The following POLR1A variants were observed in gnomAD, a reference collection of about 807,000 sequenced individuals.
POLR1A encodes the protein RNA polymerase I subunit A, also known as DNA-directed RNA polymerase I subunit RPA1.
POLR1A carries 84 observed loss-of-function variants against 205.3 expected under a neutral mutation model. The ratio of observed to expected loss-of-function variants is 0.41; its 90% CI spans 0.34 to 0.49. The LOEUF is 0.49. Among genes scored for constraint, POLR1A ranks in the 20% least tolerant of loss-of-function variants. The pLI, the probability that POLR1A is intolerant of heterozygous loss-of-function variation, is 0.22. For missense variants in POLR1A, 1,645 were observed against 2,204.5 expected (o/e 0.75, Z 5.08); for synonymous variants, 799 against 863.7 (o/e 0.93, Z 1.31).
Position 86,023,559 on chromosome 2 carries a change from T to G in POLR1A, c.*3864A>C, listed in dbSNP as rs916771089. On this transcript the variant is annotated 3_prime_UTR_variant, in exon 34 of 34. Coordinates refer to ENST00000263857, the MANE Select transcript of POLR1A (RefSeq NM_015425.6). ...CCACGAGATGGCACCTCATACACAT[T>G]AGGGTGGCTACTATTAACAAGAACA... 2 of 152,072 alleles carry G rather than the reference T, an allele frequency of 1.3e-5. No individual in the cohort carries two copies. The highest frequency in any genetic ancestry group is 2.9e-5 in the Non-Finnish European group (2 of 68,008). 9.4% of individuals were successfully genotyped at this position (152,072 alleles called of 1,614,324 possible).
At position 86,021,410 on chromosome 2, in the gene POLR1A, G is replaced by C. The variant is rs1025760560; in HGVS notation, c.*6013C>G. The C allele has an allele frequency of 6.6e-6, 1 of 152,530 alleles. No homozygotes were observed. The highest frequency in any genetic ancestry group is 2.4e-5 in the African/African-American group (1 of 41,464). 9.4% of individuals were successfully genotyped at this position (152,530 alleles called of 1,614,324 possible). A position where few individuals can be genotyped will look rare whatever the true frequency, so the allele number is the denominator to read the frequency against. ...AAGGGCCAGCAGCCAGGGTGGAAGT[G>C]GGGGCAGGAGGTGGGGAGGGGATGG... On this transcript the variant is annotated 3_prime_UTR_variant, in exon 34 of 34. Coordinates refer to ENST00000263857, the MANE Select transcript of POLR1A (RefSeq NM_015425.6).
intron 16 of POLR1A, among the ~76,000 whole-genome samples, chr2:86,051,961 G>A (rs560209174): frequency 1.3e-5 from 2 of 152,306 alleles, no homozygotes; most frequent in East Asian, 1.9e-4. Context: ...GTGGGAAGGC[G>A]TGGGCAGTTC....
intron 15 of POLR1A, among the ~76,000 whole-genome samples, chr2:86,053,771 G>A (rs901758153): frequency 3.3e-5 from 5 of 152,122 alleles, no homozygotes; most frequent in Non-Finnish European, 5.9e-5. Flanking sequence ...CTGTCCTTTT[G>A]TGGCCTGGTT....
At position 86,100,077 on chromosome 2, in the gene POLR1A, G is replaced by C; in HGVS notation, c.173C>G (p.Ala58Gly). 5 of 1,614,164 alleles carry C rather than the reference G, an allele frequency of 3.1e-6. No homozygotes were observed. The highest frequency in any genetic ancestry group is 4.2e-6 in the Non-Finnish European group (5 of 1,179,996). Residue 58 changes from alanine to glycine, a missense_variant, in exon 2 of 34, where the codon GCA becomes GGA. Around this residue, in one of 16 missense-constraint regions of POLR1A, gnomAD observed 330 missense variants for 375.6 expected, o/e 0.88. Coordinates refer to ENST00000263857, the MANE Select transcript of POLR1A (RefSeq NM_015425.6). ...NGLYDLALGP[A>G]DSKEVCSTCV... is the part of the protein sequence containing the mutation. ...GGTGGAGCACACCTCTTTGGAATCTGCAGGGCCCAAAGCTAAATCGTACAG... is the reference window on the plus strand; with the variant it reads ...GGTGGAGCACACCTCTTTGGAATCTCCAGGGCCCAAAGCTAAATCGTACAG...
rs1672320160 is a variant in POLR1A at position 86,028,725 on chromosome 2, G to A, written c.4780-14C>T. On this transcript the variant is annotated splice_polypyrimidine_tract_variant and intron_variant, in intron 31 of 33. Coordinates refer to ENST00000263857, the MANE Select transcript of POLR1A (RefSeq NM_015425.6). The surrounding 1 kb of genome is among the most constrained non-coding windows in gnomAD (Gnocchi z 4.5). ...CAGATCCAGGACCTGGAGAGAGGAAGGAAGGGATTTATTTAGAGGGCCTGG... is the reference window on the plus strand; with the variant it reads ...CAGATCCAGGACCTGGAGAGAGGAAAGAAGGGATTTATTTAGAGGGCCTGG... 1 of 1,598,690 alleles carries A rather than the reference G, an allele frequency of 6.3e-7. No homozygotes were observed. Among genetic ancestry groups the A allele is most frequent in the African/African-American group, 1.3e-5 (1 of 74,610 alleles).
intron 26 of POLR1A, among the ~76,000 whole-genome samples, chr2:86,039,074 C>T (rs183467297): frequency 1.3e-5 from 2 of 152,236 alleles, no homozygotes; most frequent in Non-Finnish European, 2.9e-5. Context: ...CTAGGAGTGG[C>T]CTCAGCAGAG....
chr2:86,028,290 C>T lies in POLR1A; in HGVS notation c.4898-241G>A, dbSNP rs1171268207. Reference sequence around the variant, plus strand: ...GCAGCACAGGAAATGAGGATCTAACCGCACTGTTTTCACTTGGGAACTGAA... The same window carrying T: ...GCAGCACAGGAAATGAGGATCTAACTGCACTGTTTTCACTTGGGAACTGAA... On this transcript the variant is annotated intron_variant, in intron 32 of 33. Transcript: ENST00000263857. This position sits in a 1 kb window ranked among gnomAD's most constrained non-coding sequence, Gnocchi z 4.5. Among the ~76,000 whole-genome samples the T allele has an allele frequency of 2.0e-5, 3 of 152,196 alleles. No homozygotes were observed. Among genetic ancestry groups the T allele is most frequent in the African/African-American group, 4.8e-5 (2 of 41,444 alleles).
intron 7 of POLR1A, among the ~76,000 whole-genome samples, chr2:86,082,879 C>T (rs1308483374): frequency 6.6e-6 from 1 of 152,184 alleles, no homozygotes; most frequent in Non-Finnish European, 1.5e-5. Context: ...CGATAATTGT[C>T]AAGTTTTTGG....
At chr2:86,061,465 A>T (rs535769032) in intron 14 of POLR1A, among the ~76,000 whole-genome samples, 1 of 152,340 alleles carries the variant, frequency 6.6e-6, no homozygotes, top group Non-Finnish European at 1.5e-5. Flanking sequence ...AAACTTTAGG[A>T]AACTATCTAT....
Position 86,044,215 on chromosome 2 carries a change from C to T in POLR1A, c.3059G>A (p.Gly1020Glu), listed in dbSNP as rs1259233217. ...CTTGGGGATGTCCAGGCCATCCTCC[C>T]CATACAGGAACTGCACCACACTGCC... ...SDGSVVQFLY[G>E]EDGLDIPKTQ... is the part of the protein sequence containing the mutation. Residue 1020 changes from glycine (G) to glutamate (E), a missense_variant, in exon 22 of 34, where the codon GGG becomes GAG. Gly to Glu is a moderately conservative substitution (Grantham distance 98). Coordinates refer to ENST00000263857, the MANE Select transcript of POLR1A (RefSeq NM_015425.6). 1 of 1,614,038 alleles carries T rather than the reference C, an allele frequency of 6.2e-7. No homozygotes were observed. Among genetic ancestry groups the T allele is most frequent in the African/African-American group, 1.3e-5 (1 of 74,904 alleles).
intron 9 of POLR1A, among the ~76,000 whole-genome samples, chr2:86,079,638 C>G (rs1246810308): frequency 1.3e-5 from 2 of 152,180 alleles, no homozygotes; most frequent in Non-Finnish European, 2.9e-5. Flanking sequence ...TCACAGCTCT[C>G]TGCAGCCTCG....
intron 4 of POLR1A, 37 bp from the exon 5 acceptor site, chr2:86,088,907 C>T: frequency 7.0e-7 from 1 of 1,438,640 alleles, no homozygotes; most frequent in African/African-American, 1.4e-5. Context: ...CCTTGGAGTG[C>T]CATTTTGAAG....
chr2:86,033,642 C>G lies in POLR1A; in HGVS notation c.4161+19G>C. On this transcript the variant is annotated intron_variant, in intron 28 of 33. Transcript: ENST00000263857. ...GGCTGTCCCTGTGCAACTCTAGTGA[C>G]CCCCGGGGACTCACTCACCCGACTC... 1 of 1,610,804 alleles carries G rather than the reference C, an allele frequency of 6.2e-7. No individual in the cohort carries two copies. The highest frequency in any genetic ancestry group is 8.5e-7 in the Non-Finnish European group (1 of 1,178,570).
chr2:86,080,864 G>C lies in POLR1A; in HGVS notation c.1038C>G (p.Ala346=), dbSNP rs1477714606. The change falls in exon 9 of 34, where the codon GCC becomes GCG. Residue 346 remains alanine, a synonymous_variant. Transcript: ENST00000263857. The stretch of plus-strand genomic sequence containing the variant: ...CTTCCTCTGGCAACTTCTGTTCTTG[G>C]GCCATCAATGCCAGAAGTTTTCGAA... ...VLIRKLLALM[A]QEQKLPEEVA... is the part of the protein sequence containing the mutation. 1 of 1,613,862 alleles carries C rather than the reference G, an allele frequency of 6.2e-7. No individual in the cohort carries two copies. Among genetic ancestry groups the C allele is most frequent in the Non-Finnish European group, 8.5e-7 (1 of 1,179,952 alleles).
At chr2:86,071,208 T>TTC (rs1019466526) in intron 12 of POLR1A, among the ~76,000 whole-genome samples, 35 of 122,846 alleles carry the variant, frequency 2.8e-4, no homozygotes, top group African/African-American at 1.1e-3. Context: ...CCAACCCAGC[T>TTC]TCTCTCTCTC....
chr2:86,100,004 C>T lies in POLR1A; in HGVS notation c.246G>A (p.Glu82=). The change falls in exon 2 of 34, where the codon GAG becomes GAA. Residue 82 remains glutamate, a synonymous_variant. Coordinates refer to ENST00000263857, the MANE Select transcript of POLR1A (RefSeq NM_015425.6). ...GAGGGTTATACACTGTGAGTGGGAG[C>T]TCAATGTGGCCCAGGTGCCCAGAAC... ...SNCSGHLGHI[E]LPLTVYNPLL... is the part of the protein sequence containing the mutation. The T allele has an allele frequency of 6.2e-7, 1 of 1,614,118 alleles. No homozygotes were observed. The highest frequency in any genetic ancestry group is 8.5e-7 in the Non-Finnish European group (1 of 1,180,000).
chr2:86,063,061 C>T (rs1261535518), intron 14 of POLR1A, among the ~76,000 whole-genome samples: 1 of 152,108 alleles, frequency 6.6e-6, no homozygotes, highest in South Asian at 2.1e-4. Context: ...ACAGGTTGGG[C>T]GCGGTGGCTC....
Position 86,031,578 on chromosome 2 carries a change from C to A in POLR1A, c.4330G>T (p.Asp1444Tyr), listed in dbSNP as rs201937585. ...EREGEENDDE[D>Y]MQEERNPHRE... ...TGGGGATTTCGTTCCTCCTGCATGT[C>A]TTCATCGTCGTTCTCCTCGCCCTCC... The change falls in exon 30 of 34, where the codon GAC (aspartate) becomes TAC (tyrosine). Residue 1444 changes from aspartate (D) to tyrosine (Y), a missense_variant. By Grantham distance (160) the Asp-to-Tyr change is radical. Coordinates refer to ENST00000263857, the MANE Select transcript of POLR1A (RefSeq NM_015425.6). 99 of 1,613,864 alleles carry A rather than the reference C, an allele frequency of 6.1e-5. No homozygotes were observed. The highest frequency in any genetic ancestry group is 8.0e-5 in the Non-Finnish European group (94 of 1,179,864).
At chr2:86,072,583 C>G (rs182633441) in intron 12 of POLR1A, among the ~76,000 whole-genome samples, 5 of 152,376 alleles carry the variant, frequency 3.3e-5, no homozygotes, top group Admixed American at 3.3e-4. Flanking sequence ...TTTCTCTTGT[C>G]TCTAAATAAA....
Sources: allele counts gnomAD v4.1 joint callset (sites outside exome capture counted in the v4.1 genomes callset), GRCh38; gene constraint gnomAD v4.1.1; regional missense constraint gnomAD v4.1.1; non-coding constraint Gnocchi (gnomAD v3.1); transcripts MANE v1.5; gene names NCBI Gene and HGNC (gene_info 2026-07-23, HGNC 2026-07-21).